The following SPAG16 variants were observed in gnomAD, a reference collection of about 807,000 sequenced individuals.
SPAG16 encodes the protein sperm associated antigen 16.
A neutral mutation model predicts 80.4 loss-of-function variants in SPAG16; 86 were observed. The ratio of observed to expected loss-of-function variants is 1.07; its 90% CI spans 0.90 to 1.28. The LOEUF (loss-of-function observed/expected upper bound fraction) is 1.28. Among genes scored for constraint, SPAG16 ranks in the 50% most tolerant of loss-of-function variants. The probability of loss-of-function intolerance (pLI) is 0.00; values close to 1 mark genes in which losing one functional copy is unlikely to be tolerated. For synonymous variants in SPAG16, 294 were observed against 265.9 expected, an observed-to-expected ratio of 1.11 and a Z score of -1.03; for missense variants, 870 against 765.3, an observed-to-expected ratio of 1.14 and a Z score of -1.61.
chr2:214,166,870 A>G (rs2056676766), intron 15 of SPAG16, among the ~76,000 whole-genome samples: 1 of 152,178 alleles, frequency 6.6e-6, no homozygotes, highest in Admixed American at 6.5e-5. Flanking sequence ...AAAGAGAAAA[A>G]ATGAAAATAA....
chr2:214,189,082 A>G (rs777781607), intron 15 of SPAG16, among the ~76,000 whole-genome samples: 2 of 152,146 alleles, frequency 1.3e-5, no homozygotes, highest in African/African-American at 2.4e-5. Flanking sequence ...ATCCATTTGT[A>G]TAAGTATGTT....
intron 10 of SPAG16, among the ~76,000 whole-genome samples, chr2:213,798,253 TTTTG>T (rs1429922036): frequency 2.0e-5 from 3 of 152,184 alleles, no homozygotes; most frequent in Admixed American, 6.5e-5. Flanking sequence ...CTATGGCATT[TTTTG>T]TTTGTTTGTT....
chr2:214,056,841 C>G (rs2049970271), intron 13 of SPAG16, among the ~76,000 whole-genome samples: 1 of 152,182 alleles, frequency 6.6e-6, no homozygotes, highest in Non-Finnish European at 1.5e-5. Context: ...ATGGAATGTT[C>G]TAAATCCTTT....
At chr2:214,269,961 C>CAGAG (rs60663474) in intron 15 of SPAG16, among the ~76,000 whole-genome samples, 60,143 of 151,580 alleles carry the variant, frequency 0.4, 14,537 homozygotes, top group South Asian at 0.58. Flanking sequence ...GAATTAATGC[C>CAGAG]AGAGACAGAA....
intron 10 of SPAG16, among the ~76,000 whole-genome samples, chr2:213,678,678 C>T (rs2125250744): frequency 6.6e-6 from 1 of 152,286 alleles, no homozygotes; most frequent in Non-Finnish European, 1.5e-5. Context: ...TACCCTCCTA[C>T]TGCAGAAAGC....
intron 10 of SPAG16, among the ~76,000 whole-genome samples, chr2:213,627,754 A>G (rs1450022278): frequency 6.6e-6 from 1 of 152,210 alleles, no homozygotes; most frequent in Non-Finnish European, 1.5e-5. Flanking sequence ...AAACATACAA[A>G]CCAAAACAGT....
intron 12 of SPAG16, among the ~76,000 whole-genome samples, chr2:213,950,950 T>G (rs1220555927): frequency 6.6e-6 from 1 of 151,498 alleles, no homozygotes; most frequent in East Asian, 1.9e-4. Context: ...TGTGCTTAAG[T>G]GATCTTCTGC....
rs1415049809 is a variant in SPAG16 at position 213,297,326 on chromosome 2, C to A, written c.248C>A (p.Ala83Asp). 6.8e-6 allele frequency: 11 copies of A among 1,612,308 alleles called. 1 individual carries two copies. The highest frequency in any genetic ancestry group is 1.7e-4 in the Middle Eastern group (1 of 6,052). ...GATCTGGCAAAAGCAATTCAGATGG[C>A]CCAAGAACAGGCTACAGATACTGAA... ...EEDLAKAIQM[A>D]QEQATDTEIL... The change falls in exon 3 of 16, where the codon GCC becomes GAC. Residue 83 changes from alanine to aspartate, a missense_variant. Transcript: ENST00000331683.
At chr2:213,957,055 C>T (rs2044183544) in intron 12 of SPAG16, among the ~76,000 whole-genome samples, 1 of 151,646 alleles carries the variant, frequency 6.6e-6, no homozygotes, top group Non-Finnish European at 1.5e-5. Context: ...TATGGTCTAT[C>T]CTGGAAAATG....
intron 8 of SPAG16, among the ~76,000 whole-genome samples, chr2:213,373,191 A>G (rs2066727191): frequency 6.6e-6 from 1 of 152,158 alleles, no homozygotes. Flanking sequence ...ATATTACTCA[A>G]CATTGAGAAG....
intron 11 of SPAG16, among the ~76,000 whole-genome samples, chr2:213,911,914 A>G (rs2077694662): frequency 6.6e-6 from 1 of 151,976 alleles, no homozygotes; most frequent in Non-Finnish European, 1.5e-5. Context: ...AGAGGTATCC[A>G]TGAAGAGATG....
chr2:213,371,067 C>G (rs903404546), intron 8 of SPAG16, among the ~76,000 whole-genome samples: 7 of 152,164 alleles, frequency 4.6e-5, no homozygotes, highest in Non-Finnish European at 1.5e-5. Flanking sequence ...CCCTTAGACT[C>G]TGTCACGTCT....
At chr2:213,704,182 C>T (rs1221217676) in intron 10 of SPAG16, among the ~76,000 whole-genome samples, 1 of 152,162 alleles carries the variant, frequency 6.6e-6, no homozygotes, top group African/African-American at 2.4e-5. Flanking sequence ...ATATAACATA[C>T]ATCCTTAATT....
At chr2:214,291,063 A>T (rs1045182127) in intron 15 of SPAG16, among the ~76,000 whole-genome samples, 4 of 152,118 alleles carry the variant, frequency 2.6e-5, no homozygotes, top group Non-Finnish European at 5.9e-5. Context: ...ATATATATTT[A>T]GAATTGTTAT....
chr2:214,136,000 C>G (rs184222678), intron 14 of SPAG16, among the ~76,000 whole-genome samples: 1 of 152,104 alleles, frequency 6.6e-6, no homozygotes, highest in Non-Finnish European at 1.5e-5. Context: ...TTTCAGGGAG[C>G]CTCCACTCAT....
intron 9 of SPAG16, among the ~76,000 whole-genome samples, chr2:213,375,695 A>G (rs1347175168): frequency 6.6e-6 from 1 of 152,070 alleles, no homozygotes; most frequent in African/African-American, 2.4e-5. Context: ...TTTGAAAATT[A>G]CATAAAAGTC....
At chr2:213,628,595 A>G (rs1370564549) in intron 10 of SPAG16, among the ~76,000 whole-genome samples, 1 of 152,188 alleles carries the variant, frequency 6.6e-6, no homozygotes. Flanking sequence ...TTTACATATC[A>G]TCACAACTTG....
intron 15 of SPAG16, among the ~76,000 whole-genome samples, chr2:214,326,562 A>G (rs923321425): frequency 6.6e-6 from 1 of 150,974 alleles, no homozygotes; most frequent in African/African-American, 2.4e-5. Flanking sequence ...TAATAAGAAG[A>G]GAGAAATTCA....
intron 15 of SPAG16, among the ~76,000 whole-genome samples, chr2:214,222,968 T>G (rs2058616398): frequency 6.6e-6 from 1 of 152,238 alleles, no homozygotes; most frequent in Non-Finnish European, 1.5e-5. Flanking sequence ...TGTTATTCAA[T>G]TTTTAGTCAC....
Sources: allele counts gnomAD v4.1 joint callset (sites outside exome capture counted in the v4.1 genomes callset), GRCh38; gene constraint gnomAD v4.1.1; transcripts MANE v1.5; gene names NCBI Gene and HGNC (gene_info 2026-07-23, HGNC 2026-07-21).